Variants in RPS6KC1 observed in about 807,000 individuals in gnomAD.
RPS6KC1 encodes ribosomal protein S6 kinase C1.
RPS6KC1 carries 54 observed loss-of-function variants against 103.8 expected under a neutral mutation model. That is an observed-to-expected ratio of 0.52 (90% CI 0.42 to 0.65). RPS6KC1 has a LOEUF of 0.65. RPS6KC1 is among the 30% of genes least tolerant of loss of function. RPS6KC1 has a pLI of 0.00. For synonymous variants in RPS6KC1, 439 were observed against 438.7 expected, an observed-to-expected ratio of 1.00 and a Z score of -0.01; for missense variants, 1,151 against 1,253.8, an observed-to-expected ratio of 0.92 and a Z score of 1.24.
At chr1:213,823,325 G>C in the RPS6KC1 span, among the ~76,000 whole-genome samples, 1 of 152,180 alleles carries the variant, frequency 6.6e-6, no homozygotes, top group Non-Finnish European at 1.5e-5. Flanking sequence ...AGTTCTGTGA[G>C]AGCAAATATT....
chr1:213,431,294 A>G, the RPS6KC1 span, among the ~76,000 whole-genome samples: 2 of 152,254 alleles, frequency 1.3e-5, no homozygotes, highest in Admixed American at 6.5e-5. Context: ...AGATTTTTTT[A>G]AAGTAAACTT....
intron 3 of RPS6KC1, among the ~76,000 whole-genome samples, chr1:213,079,872 C>T (rs2079699527): frequency 6.7e-6 from 1 of 150,146 alleles, no homozygotes; most frequent in Admixed American, 6.6e-5. Flanking sequence ...TTTTCAAGTA[C>T]TTATATCTGT....
the RPS6KC1 span, among the ~76,000 whole-genome samples, chr1:213,515,094 A>C: frequency 5.9e-5 from 9 of 151,850 alleles, no homozygotes; most frequent in South Asian, 1.9e-3. Flanking sequence ...TTTTCTTGTA[A>C]ATTTGTTTGA....
rs181523212 is a variant in RPS6KC1, at chr1:213,080,754, A to G, written c.262+2938A>G. On this transcript the variant is annotated intron_variant, in intron 3 of 14. Transcript: ENST00000366960. ...TAATTTTTGTAATTTTTGTAGCAAC[A>G]TGTTTTCACCATTTTGCCCAGGCTG... 3.2e-3 allele frequency among the ~76,000 whole-genome samples: 482 copies of G among 152,152 alleles called. 1 individual carries two copies. The highest frequency in any genetic ancestry group is 0.011 in the Admixed American group (163 of 15,264).
the RPS6KC1 span, among the ~76,000 whole-genome samples, chr1:213,470,606 T>G: frequency 7.1e-6 from 1 of 140,822 alleles, no homozygotes; most frequent in Admixed American, 8.4e-5. Context: ...TTTCTTTTAT[T>G]CTTAATTTTT....
chr1:213,150,295 G>GTTATTTATTTATTTAT (rs138250765), intron 6 of RPS6KC1, among the ~76,000 whole-genome samples: 3 of 147,984 alleles, frequency 2.0e-5, no homozygotes, highest in African/African-American at 7.4e-5. Flanking sequence ...TACATTATAT[G>GTTATTTATTTATTTAT]TTATTTATTT....
the RPS6KC1 span, among the ~76,000 whole-genome samples, chr1:213,428,373 C>G: frequency 1.3e-5 from 2 of 150,996 alleles, no homozygotes; most frequent in Non-Finnish European, 1.5e-5. Flanking sequence ...TTCCCTTCCT[C>G]TCTTCTTTTT....
chr1:213,846,609 C>CT, the RPS6KC1 span, among the ~76,000 whole-genome samples: 2 of 152,108 alleles, frequency 1.3e-5, no homozygotes, highest in African/African-American at 4.8e-5. Flanking sequence ...TAAAGGTGCT[C>CT]TTTTTTGCTG....
the RPS6KC1 span, among the ~76,000 whole-genome samples, chr1:213,637,651 A>G: frequency 1.3e-5 from 2 of 152,134 alleles, no homozygotes; most frequent in Non-Finnish European, 2.9e-5. Flanking sequence ...CGAAACCGTG[A>G]AACTATTTTC....
rs182047426 is a variant in RPS6KC1, at chr1:213,262,431, C to T, written c.2995-290C>T. ...GGTATCAAATCTCTTTTTAGTTTTG[C>T]GTATAATTTAAGCTTTTCTATAATA... On this transcript the variant is annotated intron_variant, in intron 13 of 14. Coordinates refer to ENST00000366960, the MANE Select transcript of RPS6KC1 (RefSeq NM_012424.6). Among the ~76,000 whole-genome samples the T allele has an allele frequency of 2.7e-3, 411 of 152,162 alleles. 3 individuals carry two copies. Among genetic ancestry groups the T allele is most frequent in the African/African-American group, 9.6e-3 (397 of 41,534 alleles).
intron 4 of RPS6KC1, among the ~76,000 whole-genome samples, chr1:213,107,130 C>T (rs2082580716): frequency 6.6e-6 from 1 of 152,004 alleles, no homozygotes; most frequent in South Asian, 2.1e-4. Flanking sequence ...TTAGTAGAGA[C>T]AGGGTTTCAC....
At chr1:213,740,514 G>T in the RPS6KC1 span, among the ~76,000 whole-genome samples, 3 of 151,936 alleles carry the variant, frequency 2.0e-5, no homozygotes, top group African/African-American at 7.3e-5. Context: ...ATTCAGCTTC[G>T]TCCTTGGACA....
chr1:213,378,597 A>G, the RPS6KC1 span, among the ~76,000 whole-genome samples: 7 of 152,266 alleles, frequency 4.6e-5, no homozygotes, highest in Non-Finnish European at 1.0e-4. Flanking sequence ...CAAACTATGT[A>G]GCAGGTACTG....
At chr1:213,475,641 C>T in the RPS6KC1 span, among the ~76,000 whole-genome samples, 6 of 152,190 alleles carry the variant, frequency 3.9e-5, no homozygotes, top group East Asian at 5.8e-4. Flanking sequence ...TCTTCGGGGG[C>T]CCCCAATGTC....
At chr1:213,630,222 A>G in the RPS6KC1 span, among the ~76,000 whole-genome samples, 1 of 152,234 alleles carries the variant, frequency 6.6e-6, no homozygotes, top group East Asian at 1.9e-4. Context: ...AGGTACACCA[A>G]TCAGACGTAG....
At chr1:213,329,022 G>A in the RPS6KC1 span, among the ~76,000 whole-genome samples, 1 of 152,100 alleles carries the variant, frequency 6.6e-6, no homozygotes, top group Non-Finnish European at 1.5e-5. Context: ...GCGTGGTGCT[G>A]GTGGTACCTT....
At chr1:213,357,172 A>G in the RPS6KC1 span, among the ~76,000 whole-genome samples, 1 of 151,208 alleles carries the variant, frequency 6.6e-6, no homozygotes, top group Non-Finnish European at 1.5e-5. Flanking sequence ...AGTGAGATCC[A>G]GGAATACACA....
chr1:213,675,262 A>G, the RPS6KC1 span, among the ~76,000 whole-genome samples: 1 of 152,190 alleles, frequency 6.6e-6, no homozygotes, highest in African/African-American at 2.4e-5. Flanking sequence ...CACCTGTCAC[A>G]TGCTGCTCTA....
At chr1:213,429,390 G>A in the RPS6KC1 span, among the ~76,000 whole-genome samples, 2 of 152,170 alleles carry the variant, frequency 1.3e-5, no homozygotes, top group South Asian at 4.1e-4. Flanking sequence ...CTGGACTCAA[G>A]TGATCCACCT....
Sources: allele counts gnomAD v4.1 joint callset (sites outside exome capture counted in the v4.1 genomes callset), GRCh38; gene constraint gnomAD v4.1.1; transcripts MANE v1.5; gene names NCBI Gene and HGNC (gene_info 2026-07-23, HGNC 2026-07-21).